RPS6KA2: variants seen among roughly 807,000 people sequenced by gnomAD.
RPS6KA2 encodes the protein ribosomal protein S6 kinase A2, also known as ribosomal protein S6 kinase alpha-2.
A neutral mutation model predicts 91.8 loss-of-function variants in RPS6KA2; 42 were observed. The ratio of observed to expected loss-of-function variants is 0.46; its 90% confidence interval spans 0.36 to 0.59. The LOEUF (loss-of-function observed/expected upper bound fraction) is 0.59. Among genes scored for constraint, RPS6KA2 ranks in the 20% least tolerant of loss-of-function variants. The pLI is 0.00. For missense variants in RPS6KA2, 798 were observed against 978.5 expected (o/e 0.82, Z 2.46); for synonymous variants, 414 against 393.6 (o/e 1.05, Z -0.61).
chr6:166,485,058 A>G (rs1583193640), intron 10 of RPS6KA2, among the ~76,000 whole-genome samples: 1 of 152,208 alleles, frequency 6.6e-6, no homozygotes, highest in Non-Finnish European at 1.5e-5. Context: ...AAATCCGCCC[A>G]GGCAGGGGAA....
At position 166,603,326 on chromosome 6, in the gene RPS6KA2, G is replaced by A. The variant is rs75000561; in HGVS notation, c.99+23595C>T. On this transcript the variant is annotated intron_variant, in intron 1 of 20. Coordinates refer to ENST00000265678, the MANE Select transcript of RPS6KA2 (RefSeq NM_021135.6). The surrounding 1 kb of genome is among the most constrained non-coding windows in gnomAD (Gnocchi z 4.3). ...GGCCATGGCTCTTTCAAAAAAGATCGTGCTGCTTAGCATAATTAAACCAGG... is the reference window on the plus strand; with the variant it reads ...GGCCATGGCTCTTTCAAAAAAGATCATGCTGCTTAGCATAATTAAACCAGG... 2.5e-4 allele frequency among the ~76,000 whole-genome samples: 38 copies of A among 152,236 alleles called. No homozygotes were observed. Among genetic ancestry groups the A allele is most frequent in the East Asian group, 1.9e-4 (1 of 5,190 alleles).
intron 2 of RPS6KA2, among the ~76,000 whole-genome samples, chr6:166,830,568 A>T (rs1164499875): frequency 6.6e-6 from 1 of 152,240 alleles, no homozygotes; most frequent in African/African-American, 2.4e-5. Flanking sequence ...AGTATAAAAC[A>T]TCTCTCCCAA....
At position 166,411,902 on chromosome 6, in the gene RPS6KA2, G is replaced by C. The variant is rs367965678; in HGVS notation, c.*860C>G. ...TGAGCACACAGGAAGCCGACACAGG[G>C]CTGAGCAGGTGCGAGAACCCACGAC... On this transcript the variant is annotated 3_prime_UTR_variant, in exon 21 of 21. Transcript: ENST00000265678. The surrounding 1 kb of genome is among the most constrained non-coding windows in gnomAD (Gnocchi z 4.5). 6.6e-6 allele frequency: 1 copy of C among 152,314 alleles called. No homozygotes were observed. Among genetic ancestry groups the C allele is most frequent in the East Asian group, 1.9e-4 (1 of 5,196 alleles). The allele number at this position is 152,314 out of a possible 1,614,324, so 9.4% of individuals were successfully genotyped here.
chr6:166,475,692 A>AC, intron 10 of RPS6KA2: 1 of 489,124 alleles, frequency 2.0e-6, no homozygotes, highest in Non-Finnish European at 4.2e-6. Context: ...CAGATCACAC[A>AC]CGAAGGCAGG....
chr6:166,701,307 C>A, intron 2 of RPS6KA2: 4 of 1,579,126 alleles, frequency 2.5e-6, no homozygotes, highest in Non-Finnish European at 3.4e-6. Context: ...GTTCATTCAC[C>A]GTTTTGCCTC....
intron 1 of RPS6KA2, among the ~76,000 whole-genome samples, chr6:166,564,623 C>G (rs1784439439): frequency 6.6e-6 from 1 of 152,212 alleles, no homozygotes. Flanking sequence ...CTATCTTGCA[C>G]TTGCTCTTTA....
chr6:166,577,402 A>G (rs7759720), intron 1 of RPS6KA2, among the ~76,000 whole-genome samples: 3,123 of 152,314 alleles, frequency 0.021, 112 homozygotes, highest in African/African-American at 0.07. Context: ...AGCAGCTGAG[A>G]AGGAGGCTGT....
chr6:166,712,433 A>C (rs1394820931), intron 2 of RPS6KA2, among the ~76,000 whole-genome samples: 1 of 152,224 alleles, frequency 6.6e-6, no homozygotes, highest in Non-Finnish European at 1.5e-5. Flanking sequence ...GAGGACGACT[A>C]AGGATCTGGA....
chr6:166,677,312 T>C (rs747980646), intron 2 of RPS6KA2, among the ~76,000 whole-genome samples: 7 of 151,722 alleles, frequency 4.6e-5, no homozygotes, highest in Non-Finnish European at 8.8e-5. Context: ...TACTATACAA[T>C]ACAAATACCT....
intron 10 of RPS6KA2, among the ~76,000 whole-genome samples, chr6:166,478,624 T>C (rs1781070357): frequency 1.3e-5 from 2 of 152,182 alleles, no homozygotes; most frequent in Admixed American, 6.5e-5. Flanking sequence ...ACGCTCAGAA[T>C]TGTGGCTCCT....
chr6:166,761,914 C>G (rs912038729), intron 2 of RPS6KA2, among the ~76,000 whole-genome samples: 3 of 152,168 alleles, frequency 2.0e-5, no homozygotes, highest in African/African-American at 7.2e-5. Context: ...ATGGCGAGAA[C>G]AAAGAGCCCA....
chr6:166,486,308 CCT>C (rs2128472151), intron 10 of RPS6KA2, among the ~76,000 whole-genome samples: 1 of 152,208 alleles, frequency 6.6e-6, no homozygotes, highest in South Asian at 2.1e-4. Context: ...ACACAGTGCC[CCT>C]GTGTGTGCTG....
intron 2 of RPS6KA2, among the ~76,000 whole-genome samples, chr6:166,699,011 G>T (rs1402793720): frequency 5.9e-5 from 9 of 152,212 alleles, no homozygotes; most frequent in Admixed American, 2.0e-4. Context: ...TGTGGAAGAT[G>T]CCGAGTAGAT....
At chr6:166,467,499 G>A (rs988885330) in intron 11 of RPS6KA2, among the ~76,000 whole-genome samples, 3 of 152,246 alleles carry the variant, frequency 2.0e-5, no homozygotes, top group African/African-American at 7.2e-5. Context: ...GTTTGGAAGA[G>A]CCGCAGGACA....
intron 2 of RPS6KA2, among the ~76,000 whole-genome samples, chr6:166,707,492 C>G (rs761559259): frequency 1.3e-5 from 2 of 152,102 alleles, no homozygotes; most frequent in Non-Finnish European, 2.9e-5. Context: ...GGGGAAGTGG[C>G]AGAGGAATGA....
chr6:166,631,890 G>A (rs10484526), upstream of RPS6KA2, among the ~76,000 whole-genome samples: 2,176 of 152,312 alleles, frequency 0.014, 56 homozygotes, highest in African/African-American at 0.05. Flanking sequence ...GGCAGCACCA[G>A]TATCAGCTAA....
Position 166,500,891 on chromosome 6 carries a change from G to C in RPS6KA2, c.600C>G (p.Ile200Met). 6.2e-7 allele frequency: 1 copy of C among 1,613,952 alleles called. No homozygotes were observed. The highest frequency in any genetic ancestry group is 8.5e-7 in the Non-Finnish European group (1 of 1,179,852). ...ILLDEEGHIK[I>M]TDFGLSKEAI... ...GGCCTGCCGTCTTTTACAAACCTGT[G>C]ATCTTAATGTGCCCCTCTTCATCCA... The change falls in exon 7 of 21, where the codon ATC (isoleucine) becomes ATG (methionine). Residue 200 changes from isoleucine to methionine, a missense_variant. Ile to Met is a conservative substitution (Grantham distance 10). Transcript: ENST00000265678. The surrounding 1 kb of genome is among the most constrained non-coding windows in gnomAD (Gnocchi z 4.3).
At chr6:166,518,485 T>C (rs1242293482) in intron 3 of RPS6KA2, among the ~76,000 whole-genome samples, 3 of 151,784 alleles carry the variant, frequency 2.0e-5, no homozygotes, top group Non-Finnish European at 4.4e-5. Context: ...AAAGCCAAAA[T>C]AAATACAATA....
At chr6:166,659,951 G>T (rs561779592) in intron 2 of RPS6KA2, among the ~76,000 whole-genome samples, 2 of 151,818 alleles carry the variant, frequency 1.3e-5, no homozygotes, top group Non-Finnish European at 2.9e-5. Flanking sequence ...TAGACACAAG[G>T]TCTCTATGTT....
Sources: allele counts gnomAD v4.1 joint callset (sites outside exome capture counted in the v4.1 genomes callset), GRCh38; gene constraint gnomAD v4.1.1; non-coding constraint Gnocchi (gnomAD v3.1); transcripts MANE v1.5; gene names NCBI Gene and HGNC (gene_info 2026-07-23, HGNC 2026-07-21).